ATXN8OS: variants seen among roughly 807,000 people sequenced by gnomAD.
ATXN8OS encodes the protein ATXN8 opposite strand lncRNA, also known as ATXN8 opposite strand (non-protein coding).
chr13:70,113,063 C>A (rs970741635), intron 1 of ATXN8OS, among the ~76,000 whole-genome samples: 7 of 151,460 alleles, frequency 4.6e-5, no homozygotes, highest in Admixed American at 4.0e-4. Context: ...GCTGGGACTA[C>A]AGGCACCACC....
intron 3 of ATXN8OS, chr13:70,131,178 TAG>T (rs1373526645): frequency 1.8e-5 from 7 of 398,388 alleles, no homozygotes; most frequent in Admixed American, 8.8e-5. Context: ...AAAGTCAATA[TAG>T]AGAGTAAGAA....
chr13:70,154,472 T>C (rs1888911900), intron 4 of ATXN8OS, among the ~76,000 whole-genome samples: 1 of 152,156 alleles, frequency 6.6e-6, no homozygotes, highest in African/African-American at 2.4e-5. Context: ...TAAGTGATTG[T>C]GGAATAATAA....
chr13:70,171,358 CTT>C (rs539305782), exon 5 of ATXN8OS, among the ~76,000 whole-genome samples: 309 of 152,210 alleles, frequency 2.0e-3, no homozygotes, highest in African/African-American at 6.9e-3. Flanking sequence ...TTAGGCTAAA[CTT>C]AATTTAATAG....
At chr13:70,127,692 G>A (rs1411801409) in intron 2 of ATXN8OS, among the ~76,000 whole-genome samples, 1 of 151,400 alleles carries the variant, frequency 6.6e-6, no homozygotes, top group Admixed American at 6.6e-5. Context: ...TTGCCTCATA[G>A]AGCATAGTGA....
In ATXN8OS at chr13:70,133,141, C is replaced by T. The variant is rs566862759; in HGVS notation, n.499+3257C>T. Among the ~76,000 whole-genome samples the T allele has an allele frequency of 3.9e-5, 6 of 152,326 alleles. No homozygotes were observed. In the East Asian group the frequency reaches 1.2e-3, roughly 29 times the overall value. On this transcript the variant is annotated intron_variant and non_coding_transcript_variant, in intron 3 of 4. Transcript: ENST00000678624. ...ATGAAGGTGCCTGGGCATGGAGGCT[C>T]ACGCCTGTAATCCTAGCACTTTGTG...
intron 4 of ATXN8OS, among the ~76,000 whole-genome samples, chr13:70,150,451 A>G (rs1888851878): frequency 1.3e-5 from 2 of 152,104 alleles, no homozygotes; most frequent in South Asian, 2.1e-4. Flanking sequence ...TTCCATGTCT[A>G]TAATTGAAGA....
At chr13:70,130,095 T>C (rs780305047) in intron 3 of ATXN8OS, among the ~76,000 whole-genome samples, 1 of 152,218 alleles carries the variant, frequency 6.6e-6, no homozygotes, top group Non-Finnish European at 1.5e-5. Flanking sequence ...ACTTGATATC[T>C]AAGCTTCACT....
At chr13:70,119,688 GAT>G (rs530549842) in intron 2 of ATXN8OS, among the ~76,000 whole-genome samples, 14 of 152,218 alleles carry the variant, frequency 9.2e-5, no homozygotes, top group African/African-American at 3.4e-4. Context: ...CTTTTTGAAT[GAT>G]GACCTGATGA....
chr13:70,161,475 G>C (rs893684628), intron 4 of ATXN8OS, among the ~76,000 whole-genome samples: 1 of 151,748 alleles, frequency 6.6e-6, no homozygotes, highest in African/African-American at 2.4e-5. Context: ...ATGATCCACA[G>C]TTCCTCACTT....
At chr13:70,107,794 A>G in exon 1 of ATXN8OS, 1 of 935,870 alleles carries the variant, frequency 1.1e-6, no homozygotes, top group Non-Finnish European at 1.5e-6. Flanking sequence ...GCGGAGGAAG[A>G]GGCGGGATGC....
intron 2 of ATXN8OS, among the ~76,000 whole-genome samples, chr13:70,116,759 AATGGACAGACT>A (rs1308068045): frequency 2.0e-5 from 3 of 152,132 alleles, no homozygotes; most frequent in Non-Finnish European, 2.9e-5. Context: ...AAAGAAAAAC[AATGGACAGACT>A]ATAGAATAAA....
intron 1 of ATXN8OS, among the ~76,000 whole-genome samples, chr13:70,114,028 T>C (rs2137469802): frequency 6.6e-6 from 1 of 152,362 alleles, no homozygotes; most frequent in East Asian, 1.9e-4. Flanking sequence ...CTGTGATTTT[T>C]ATTTCAAATA....
At chr13:70,125,856 C>G (rs530707298) in intron 2 of ATXN8OS, among the ~76,000 whole-genome samples, 1 of 152,066 alleles carries the variant, frequency 6.6e-6, no homozygotes, top group African/African-American at 2.4e-5. Context: ...TACATATAAC[C>G]GAGAATACCT....
intron 4 of ATXN8OS, among the ~76,000 whole-genome samples, chr13:70,150,735 C>T (rs980091033): frequency 2.0e-5 from 3 of 152,096 alleles, no homozygotes; most frequent in Non-Finnish European, 4.4e-5. Context: ...TGAGCTCACA[C>T]ATTGATGGAG....
upstream of ATXN8OS, chr13:70,107,645 A>T (rs773097859): frequency 1.3e-6 from 2 of 1,554,110 alleles, no homozygotes; most frequent in East Asian, 2.2e-5. Flanking sequence ...AAGAGTTTCC[A>T]GCGGAGTCGC....
chr13:70,117,561 ATTCCTC>A lies in ATXN8OS; in HGVS notation n.398+2264_398+2269del, dbSNP rs1346226149. Among the ~76,000 whole-genome samples the A allele has an allele frequency of 6.0e-4, 92 of 152,210 alleles. 1 individual carries two copies. In the East Asian group the frequency reaches 0.017, roughly 29 times the overall value. ...ACATTTGAAAAACAGTATGTGCATT[ATTCCTC>A]CTAGTTGCCTACTGACTGGAAAGCA... On this transcript the variant is annotated intron_variant and non_coding_transcript_variant, in intron 2 of 4. Coordinates refer to ENST00000678624, the Ensembl canonical transcript of ATXN8OS.
exon 5 of ATXN8OS, among the ~76,000 whole-genome samples, chr13:70,170,456 G>T (rs376548187): frequency 1.3e-5 from 2 of 152,076 alleles, no homozygotes; most frequent in African/African-American, 4.8e-5. Flanking sequence ...AGTAGGCAAC[G>T]CAGTCTGCTT....
chr13:70,111,315 A>G (rs1369024706), intron 1 of ATXN8OS, among the ~76,000 whole-genome samples: 1 of 152,196 alleles, frequency 6.6e-6, no homozygotes, highest in Non-Finnish European at 1.5e-5. Flanking sequence ...GGTAACTTAT[A>G]AAGATAAGGA....
At chr13:70,123,714 T>A (rs548728493) in intron 2 of ATXN8OS, among the ~76,000 whole-genome samples, 7 of 152,164 alleles carry the variant, frequency 4.6e-5, no homozygotes, top group African/African-American at 1.7e-4. Flanking sequence ...AAAATACATA[T>A]CAAAAAGAGA....
Sources: allele counts gnomAD v4.1 joint callset (sites outside exome capture counted in the v4.1 genomes callset), GRCh38; gene constraint gnomAD v4.1.1; transcripts MANE v1.5; gene names NCBI Gene and HGNC (gene_info 2026-07-23, HGNC 2026-07-21).